ANK3: variants seen among roughly 807,000 people sequenced by gnomAD.
The protein encoded by ANK3 is ankyrin-3.
Under a neutral mutation model 370.9 loss-of-function variants are expected in ANK3, and 57 were observed. The ratio of observed to expected loss-of-function variants is 0.15; its 90% CI spans 0.12 to 0.19. ANK3 has a LOEUF of 0.19. ANK3 is among the 10% of genes least tolerant of loss of function. The probability of loss-of-function intolerance (pLI) is 1.00; values close to 1 mark genes in which losing one functional copy is unlikely to be tolerated. For missense variants in ANK3, 4,439 were observed against 5,302.1 expected, an observed-to-expected ratio of 0.84 and a Z score of 5.06; for synonymous variants, 1,929 against 1,946.3, an observed-to-expected ratio of 0.99 and a Z score of 0.23.
intron 41 of ANK3, among the ~76,000 whole-genome samples, chr10:60,056,763 C>T (rs542513695): frequency 1.1e-4 from 17 of 152,262 alleles, no homozygotes; most frequent in African/African-American, 3.4e-4. Flanking sequence ...GTGGTTCTTG[C>T]CTATATTCCC....
chr10:60,121,384 A>AAC (rs936479579), intron 25 of ANK3, among the ~76,000 whole-genome samples: 1 of 151,448 alleles, frequency 6.6e-6, no homozygotes, highest in African/African-American at 2.4e-5. Flanking sequence ...GCACCAAAAA[A>AAC]AAAAAAAAAA....
chr10:60,455,994 A>G (rs928308587), intron 2 of ANK3, among the ~76,000 whole-genome samples: 1 of 152,208 alleles, frequency 6.6e-6, no homozygotes, highest in African/African-American at 2.4e-5. Context: ...TATTATAAGC[A>G]CCCTAGGCAG....
chr10:60,100,566 C>T (rs948012255), intron 28 of ANK3, among the ~76,000 whole-genome samples: 1 of 152,110 alleles, frequency 6.6e-6, no homozygotes, highest in African/African-American at 2.4e-5. Context: ...ATTTCCCTTT[C>T]CTGTTTACAA....
chr10:60,028,707 T>G lies in ANK3; in HGVS notation c.*1139A>C, dbSNP rs1301192042. 2 of 152,654 alleles carry G rather than the reference T, an allele frequency of 1.3e-5. No individual in the cohort carries two copies. Among genetic ancestry groups the G allele is most frequent in the African/African-American group, 4.8e-5 (2 of 41,458 alleles). 9.5% of individuals were successfully genotyped at this position (152,654 alleles called of 1,614,324 possible). A position where few individuals can be genotyped will look rare whatever the true frequency, so the allele number is the denominator to read the frequency against. On this transcript the variant is annotated 3_prime_UTR_variant, in exon 44 of 44. Coordinates refer to ENST00000280772, the MANE Select transcript of ANK3 (RefSeq NM_020987.5). Reference sequence around the variant, plus strand: ...ATTTTACAGCGTGCTGCCATTCTACTAGCTAAGGATTTCTGTTCAGTCCTT... The same window carrying G: ...ATTTTACAGCGTGCTGCCATTCTACGAGCTAAGGATTTCTGTTCAGTCCTT...
At chr10:60,615,226 T>TA in intron 1 of ANK3, 1 of 1,515,404 alleles carries the variant, frequency 6.6e-7, no homozygotes, top group Non-Finnish European at 8.8e-7. Flanking sequence ...AAAGCCACCC[T>TA]AAAAAAGTAA....
chr10:60,720,103 C>T (rs1238050582), intron 1 of ANK3, among the ~76,000 whole-genome samples: 1 of 152,114 alleles, frequency 6.6e-6, no homozygotes, highest in African/African-American at 2.4e-5. Flanking sequence ...TGTCCTTTTG[C>T]AACAGAGAAT....
intron 2 of ANK3, among the ~76,000 whole-genome samples, chr10:60,603,516 A>C (rs544576825): frequency 1.3e-5 from 2 of 152,184 alleles, no homozygotes; most frequent in African/African-American, 4.8e-5. Flanking sequence ...AAACATTTAC[A>C]TCAGTTTCAA....
At chr10:60,106,507 C>A (rs1244860820) in intron 27 of ANK3, among the ~76,000 whole-genome samples, 1 of 152,108 alleles carries the variant, frequency 6.6e-6, no homozygotes, top group Non-Finnish European at 1.5e-5. Context: ...TATATTTTCT[C>A]CTTAGCAAGA....
chr10:60,243,715 T>G (rs111244791), intron 7 of ANK3, among the ~76,000 whole-genome samples: 1 of 152,214 alleles, frequency 6.6e-6, no homozygotes, highest in Non-Finnish European at 1.5e-5. Context: ...TTACTTATTA[T>G]ACAGACATTT....
At chr10:60,699,443 C>A (rs1401901992) in intron 1 of ANK3, among the ~76,000 whole-genome samples, 1 of 151,952 alleles carries the variant, frequency 6.6e-6, no homozygotes, top group East Asian at 1.9e-4. Flanking sequence ...TTTTTAAAAA[C>A]ATACAATGAT....
intron 13 of ANK3, among the ~76,000 whole-genome samples, chr10:60,199,461 GAAAA>G (rs1555117335): frequency 5.9e-5 from 9 of 152,078 alleles, no homozygotes; most frequent in Non-Finnish European, 1.3e-4. Context: ...AGGTGCCAAG[GAAAA>G]ATCTCACATA....
At chr10:60,346,401 A>G (rs1251514909) in intron 1 of ANK3, among the ~76,000 whole-genome samples, 2 of 152,158 alleles carry the variant, frequency 1.3e-5, no homozygotes, top group Admixed American at 1.3e-4. Flanking sequence ...GAAACCCTTC[A>G]ATCAAAACTA....
chr10:60,227,969 T>G (rs944042020), intron 8 of ANK3, among the ~76,000 whole-genome samples: 1 of 152,210 alleles, frequency 6.6e-6, no homozygotes, highest in Non-Finnish European at 1.5e-5. Flanking sequence ...ATGTATGATA[T>G]GTTATAAATA....
At chr10:60,250,541 AT>A (rs1255781627) in intron 7 of ANK3, among the ~76,000 whole-genome samples, 41 of 151,742 alleles carry the variant, frequency 2.7e-4, no homozygotes, top group Admixed American at 2.0e-3. Flanking sequence ...ATTTTTTTGT[AT>A]TTTTAGTAGA....
intron 8 of ANK3, among the ~76,000 whole-genome samples, chr10:60,218,067 G>A (rs184097268): frequency 6.6e-6 from 1 of 150,402 alleles, no homozygotes; most frequent in Admixed American, 6.6e-5. Flanking sequence ...CAGAGACTAG[G>A]ATTGCAACCC....
rs1565454867 is a variant in ANK3, at chr10:60,172,374, C to G, written c.2412G>C (p.Arg804=). The change falls in exon 21 of 44, where the codon CGG becomes CGC. Residue 804 remains arginine, a synonymous_variant. Coordinates refer to ENST00000280772, the MANE Select transcript of ANK3 (RefSeq NM_020987.5). ...VNGNTALGIA[R]RLGYISVVDT... is the part of the protein sequence containing the mutation. The stretch of plus-strand genomic sequence containing the variant: ...CCACTACTGAGATGTAGCCGAGGCG[C>G]CGGGCAATGCCAAGGGCAGTATTCC... The G allele has an allele frequency of 1.9e-6, 3 of 1,614,016 alleles. No individual in the cohort carries two copies. Among genetic ancestry groups the G allele is most frequent in the Admixed American group, 1.7e-5 (1 of 60,020 alleles).
intron 1 of ANK3, among the ~76,000 whole-genome samples, chr10:60,290,592 A>T (rs892329859): frequency 6.6e-6 from 1 of 152,178 alleles, no homozygotes; most frequent in Middle Eastern, 3.2e-3. Flanking sequence ...CTTGCTCCTC[A>T]GATTCCCTCT....
intron 1 of ANK3, among the ~76,000 whole-genome samples, chr10:60,645,098 G>A (rs1374388362): frequency 6.6e-6 from 1 of 151,994 alleles, no homozygotes; most frequent in Non-Finnish European, 1.5e-5. Flanking sequence ...ATGTGGGTTA[G>A]GATGTATATA....
At position 60,070,815 on chromosome 10, in the gene ANK3, T is replaced by A. The variant is rs776874127; in HGVS notation, c.10066A>T (p.Asn3356Tyr). 8 of 1,614,170 alleles carry A rather than the reference T, an allele frequency of 5.0e-6. No homozygotes were observed. The South Asian group carries it at 8.8e-5, about 18-fold the overall frequency. ...KPKASAEKAS[N>Y]QKELESNGSG... ...CCATTACTTTCCAGTTCTTTCTGGT[T>A]GGAAGCCTTTTCAGCAGAAGCTTTG... Residue 3356 changes from asparagine to tyrosine, a missense_variant, in exon 37 of 44, where the codon AAC becomes TAC. Physicochemically the swap from Asn to Tyr is moderately radical, Grantham distance 143. Coordinates refer to ENST00000280772, the MANE Select transcript of ANK3 (RefSeq NM_020987.5). The surrounding 1 kb of genome is among the most constrained non-coding windows in gnomAD (Gnocchi z 5.7).
Sources: gnomAD v4.1 joint callset for allele counts (sites outside exome capture counted in the v4.1 genomes callset) on GRCh38, gnomAD v4.1.1 for gene constraint, Gnocchi (gnomAD v3.1) non-coding constraint, MANE v1.5 for transcripts, NCBI Gene and HGNC (gene_info 2026-07-23, HGNC 2026-07-21) for gene names.